The following ABTB3 variants were observed in gnomAD, a reference collection of about 807,000 sequenced individuals.
ABTB3 encodes ankyrin repeat- and BTB/POZ domain-containing protein 3.
the ABTB3 span, among the ~76,000 whole-genome samples, chr12:107,473,361 CT>C: frequency 4.0e-4 from 59 of 147,426 alleles, no homozygotes; most frequent in Non-Finnish European, 3.9e-4. Context: ...ATTTCACCTA[CT>C]TTTTTTTTTT....
chr12:107,535,189 C>A, the ABTB3 span, among the ~76,000 whole-genome samples: 7 of 152,050 alleles, frequency 4.6e-5, no homozygotes, highest in Non-Finnish European at 7.4e-5. Flanking sequence ...GAACAAAAAC[C>A]ACGTGAGTAT....
chr12:107,415,052 C>T, the ABTB3 span, among the ~76,000 whole-genome samples: 13 of 152,118 alleles, frequency 8.5e-5, no homozygotes, highest in Admixed American at 2.0e-4. Flanking sequence ...ACACTCCCAC[C>T]TCACAGCTTC....
At chr12:107,455,071 A>T in the ABTB3 span, among the ~76,000 whole-genome samples, 1 of 152,238 alleles carries the variant, frequency 6.6e-6, no homozygotes, top group Non-Finnish European at 1.5e-5. Flanking sequence ...CCTGCTACAC[A>T]TTATCTCAAA....
chr12:107,528,879 G>A, the ABTB3 span, among the ~76,000 whole-genome samples: 1 of 151,910 alleles, frequency 6.6e-6, no homozygotes, highest in African/African-American at 2.4e-5. Flanking sequence ...TAGTGATGAT[G>A]ATGGAGATGA....
the ABTB3 span, among the ~76,000 whole-genome samples, chr12:107,542,236 C>A: frequency 2.0e-5 from 3 of 147,810 alleles, no homozygotes; most frequent in African/African-American, 7.5e-5. Flanking sequence ...TGCTTGAACC[C>A]GGGAGGCAGG....
chr12:107,545,374 G>T, the ABTB3 span, among the ~76,000 whole-genome samples: 1 of 151,860 alleles, frequency 6.6e-6, no homozygotes, highest in African/African-American at 2.4e-5. Context: ...CCCTCAAGTA[G>T]CTGGGACTAC....
the ABTB3 span, among the ~76,000 whole-genome samples, chr12:107,626,738 G>A: frequency 5.3e-5 from 8 of 152,248 alleles, no homozygotes; most frequent in East Asian, 1.4e-3. Flanking sequence ...AAACCTCCAT[G>A]TAAGCAGAAA....
the ABTB3 span, among the ~76,000 whole-genome samples, chr12:107,322,297 G>A: frequency 4.6e-5 from 7 of 152,194 alleles, no homozygotes; most frequent in Admixed American, 2.0e-4. Context: ...CTTGGGTTTC[G>A]GGGCCCCTTC....
the ABTB3 span, among the ~76,000 whole-genome samples, chr12:107,416,032 T>C: frequency 6.6e-6 from 1 of 151,306 alleles, no homozygotes; most frequent in Non-Finnish European, 1.5e-5. Flanking sequence ...TAATGGGAGG[T>C]TGGAAAAATT....
the ABTB3 span, among the ~76,000 whole-genome samples, chr12:107,543,100 C>T: frequency 2.8e-4 from 42 of 152,226 alleles, no homozygotes; most frequent in South Asian, 8.5e-3. Context: ...CTTTGGGAGG[C>T]AGAGGCAGGC....
At chr12:107,397,776 T>C in the ABTB3 span, among the ~76,000 whole-genome samples, 1 of 152,168 alleles carries the variant, frequency 6.6e-6, no homozygotes, top group East Asian at 1.9e-4. Context: ...GAACTTCTTC[T>C]TGTGTGTAGC....
chr12:107,324,126 A>T, the ABTB3 span, among the ~76,000 whole-genome samples: 3 of 152,232 alleles, frequency 2.0e-5, no homozygotes, highest in African/African-American at 7.2e-5. Context: ...GTGCTGACAC[A>T]TGGTAGGTGC....
At chr12:107,608,907 TAA>T in the ABTB3 span, among the ~76,000 whole-genome samples, 1,582 of 69,998 alleles carry the variant, frequency 0.023, 65 homozygotes, top group African/African-American at 0.086. Flanking sequence ...TAAAATAAAA[TAA>T]AATAAAATAA....
At chr12:107,390,997 A>T in the ABTB3 span, among the ~76,000 whole-genome samples, 1 of 152,154 alleles carries the variant, frequency 6.6e-6, no homozygotes, top group Non-Finnish European at 1.5e-5. Flanking sequence ...TTAAAAAGGC[A>T]AAAATTAGCT....
chr12:107,626,809 C>T, the ABTB3 span, among the ~76,000 whole-genome samples: 2 of 152,050 alleles, frequency 1.3e-5, no homozygotes, highest in African/African-American at 4.8e-5. Flanking sequence ...TGTGCCTCTA[C>T]CTCTCTAATA....
At chr12:107,339,076 A>C in the ABTB3 span, among the ~76,000 whole-genome samples, 1 of 152,180 alleles carries the variant, frequency 6.6e-6, no homozygotes, top group African/African-American at 2.4e-5. Flanking sequence ...GGAGAGGAGG[A>C]TGTAACTTGT....
chr12:107,424,275 G>A, the ABTB3 span, among the ~76,000 whole-genome samples: 1 of 152,270 alleles, frequency 6.6e-6, no homozygotes, highest in Non-Finnish European at 1.5e-5. Context: ...GTGCATCCTT[G>A]GAAATTCGAA....
the ABTB3 span, among the ~76,000 whole-genome samples, chr12:107,434,792 A>G: frequency 6.6e-6 from 1 of 151,994 alleles, no homozygotes; most frequent in Non-Finnish European, 1.5e-5. Flanking sequence ...TGAGCTCAGG[A>G]AGTGGAGGTT....
the ABTB3 span, among the ~76,000 whole-genome samples, chr12:107,563,663 T>C: frequency 7.9e-5 from 12 of 152,080 alleles, no homozygotes; most frequent in East Asian, 2.3e-3. Flanking sequence ...ATTGTGGTTA[T>C]GGAGGGCTCT....
Sources: allele counts gnomAD v4.1 joint callset (sites outside exome capture counted in the v4.1 genomes callset), GRCh38; gene constraint gnomAD v4.1.1; transcripts MANE v1.5; gene names NCBI Gene and HGNC (gene_info 2026-07-23, HGNC 2026-07-21).